SMARCA2: variants seen among roughly 807,000 people sequenced by gnomAD.
SMARCA2 encodes SWI/SNF related BAF chromatin remodeling complex subunit ATPase 2.
In SMARCA2, 61 loss-of-function variants were observed where a neutral mutation model predicts 199.8. That is an observed-to-expected ratio of 0.31 (90% CI 0.25 to 0.38). The LOEUF is 0.38. Among genes scored for constraint, SMARCA2 ranks in the 10% least tolerant of loss-of-function variants. The pLI, the probability that SMARCA2 is intolerant of heterozygous loss-of-function variation, is 1.00. For synonymous variants in SMARCA2, 935 were observed against 732.0 expected (o/e 1.28, Z -4.48); for missense variants, 1,344 against 2,012.2 (o/e 0.67, Z 6.35).
intron 19 of SMARCA2, among the ~76,000 whole-genome samples, chr9:2,090,200 T>A (rs1821991634): frequency 6.6e-6 from 1 of 152,204 alleles, no homozygotes; most frequent in African/African-American, 2.4e-5. Flanking sequence ...CTGAGTATAC[T>A]TGAAGGATGA....
chr9:2,168,745 G>T (rs115611105), intron 28 of SMARCA2, among the ~76,000 whole-genome samples: 2,205 of 152,156 alleles, frequency 0.014, 59 homozygotes, highest in African/African-American at 0.051. Context: ...TTTGTTTTAG[G>T]GTTTTAAAAA....
At chr9:2,124,823 T>A (rs1823616979) in intron 27 of SMARCA2, among the ~76,000 whole-genome samples, 1 of 152,166 alleles carries the variant, frequency 6.6e-6, no homozygotes, top group Non-Finnish European at 1.5e-5. Context: ...ATTCGAAGGG[T>A]TAGCTCTACT....
At chr9:2,128,754 C>T (rs889435019) in intron 27 of SMARCA2, among the ~76,000 whole-genome samples, 4 of 152,358 alleles carry the variant, frequency 2.6e-5, no homozygotes, top group South Asian at 2.1e-4. Flanking sequence ...CATTAGCTTT[C>T]CAATAAATCC....
chr9:2,115,914 G>T lies in SMARCA2; in HGVS notation c.3549G>T (p.Lys1183Asn). 6.2e-7 allele frequency: 1 copy of T among 1,614,126 alleles called. No individual in the cohort carries two copies. The highest frequency in any genetic ancestry group is 8.5e-7 in the Non-Finnish European group (1 of 1,180,026). ...RLCTVNSVEE[K>N]ILAAAKYKLN... Reference sequence around the variant, plus strand: ...GTACCGTGAACAGCGTGGAGGAAAAGATCCTCGCGGCCGCAAAATACAAGC... The same window carrying T: ...GTACCGTGAACAGCGTGGAGGAAAATATCCTCGCGGCCGCAAAATACAAGC... The change falls in exon 25 of 34, where the codon AAG becomes AAT. Residue 1183 changes from lysine (K) to asparagine (N), a missense_variant. By Grantham distance (94) the Lys-to-Asn change is moderately conservative. Around this residue, in one of 18 missense-constraint regions of SMARCA2, gnomAD observed 36 missense variants for 172.5 expected, o/e 0.21. Transcript: ENST00000349721. This position sits in a 1 kb window ranked among gnomAD's most constrained non-coding sequence, Gnocchi z 6.0.
At chr9:2,173,552 C>G (rs535691449) in intron 29 of SMARCA2, among the ~76,000 whole-genome samples, 1 of 152,210 alleles carries the variant, frequency 6.6e-6, no homozygotes, top group South Asian at 2.1e-4. Context: ...TTCATTCATT[C>G]TCTGTTTCTG....
chr9:2,146,248 C>T (rs866889121), intron 27 of SMARCA2, among the ~76,000 whole-genome samples: 1 of 152,124 alleles, frequency 6.6e-6, no homozygotes, highest in Non-Finnish European at 1.5e-5. Context: ...AATAAGGGCA[C>T]TATTCCCAAT....
chr9:2,111,795 G>A (rs1291749668), intron 24 of SMARCA2, among the ~76,000 whole-genome samples: 1 of 152,134 alleles, frequency 6.6e-6, no homozygotes, highest in African/African-American at 2.4e-5. Flanking sequence ...TCCTTTGAGC[G>A]CTCCCAGGAG....
chr9:2,124,774 A>G (rs1428915900), intron 27 of SMARCA2, among the ~76,000 whole-genome samples: 1 of 152,136 alleles, frequency 6.6e-6, no homozygotes, highest in Non-Finnish European at 1.5e-5. Context: ...TGCTCTTAGG[A>G]GTCGCGTGTG....
intron 4 of SMARCA2, chr9:2,042,585 C>A (rs538574979): frequency 1.3e-5 from 2 of 151,660 alleles, no homozygotes; most frequent in Admixed American, 1.3e-4. Flanking sequence ...TACCTGTACA[C>A]AATAAATGCT....
At chr9:2,171,410 G>C (rs1826241464) in intron 29 of SMARCA2, among the ~76,000 whole-genome samples, 1 of 152,142 alleles carries the variant, frequency 6.6e-6, no homozygotes, top group Admixed American at 6.5e-5. Flanking sequence ...ACAGATCACT[G>C]GTTGTGGTAT....
chr9:2,085,283 T>TA (rs1821751973), intron 17 of SMARCA2, among the ~76,000 whole-genome samples: 2 of 152,198 alleles, frequency 1.3e-5, no homozygotes, highest in South Asian at 4.1e-4. Flanking sequence ...GAGATCCTTT[T>TA]AAAAAAATTC....
intron 5 of SMARCA2, among the ~76,000 whole-genome samples, chr9:2,048,218 A>G (rs1028299245): frequency 3.3e-5 from 5 of 152,156 alleles, no homozygotes; most frequent in African/African-American, 1.2e-4. Flanking sequence ...CCCCTGATGT[A>G]AATGGTTAAT....
In SMARCA2 at chr9:2,056,992, C is replaced by G. The variant is rs1586656286; in HGVS notation, c.1347+147C>G. 1.5e-6 allele frequency: 1 copy of G among 678,582 alleles called. No homozygotes were observed. The highest frequency in any genetic ancestry group is 2.8e-5 in the East Asian group (1 of 36,220). 42.0% of individuals were successfully genotyped at this position (678,582 alleles called of 1,614,324 possible). Reference sequence around the variant, plus strand: ...AACGGTTCCTTGACATGTACATAATCCAACCACATCATTTTATAGACAAAG... The same window carrying G: ...AACGGTTCCTTGACATGTACATAATGCAACCACATCATTTTATAGACAAAG... On this transcript the variant is annotated intron_variant, in intron 7 of 33. Coordinates refer to ENST00000349721, the MANE Select transcript of SMARCA2 (RefSeq NM_003070.5). The surrounding 1 kb of genome is among the most constrained non-coding windows in gnomAD (Gnocchi z 4.0).
intron 15 of SMARCA2, among the ~76,000 whole-genome samples, chr9:2,082,917 C>G (rs938080681): frequency 1.3e-5 from 2 of 152,164 alleles, no homozygotes; most frequent in African/African-American, 4.8e-5. Flanking sequence ...AAACGTCATT[C>G]AATATTTCTT....
At chr9:2,055,404 C>T (rs1820306986) in intron 6 of SMARCA2, among the ~76,000 whole-genome samples, 1 of 152,184 alleles carries the variant, frequency 6.6e-6, no homozygotes, top group Non-Finnish European at 1.5e-5. Flanking sequence ...CGAGTTTTGC[C>T]TTGTGGACTG....
intron 29 of SMARCA2, among the ~76,000 whole-genome samples, chr9:2,175,548 T>A (rs999679363): frequency 6.6e-6 from 1 of 152,224 alleles, no homozygotes. Context: ...ACGTGCTGCT[T>A]ATGGTGATAA....
At chr9:2,132,351 A>G (rs1823998579) in intron 27 of SMARCA2, among the ~76,000 whole-genome samples, 1 of 152,238 alleles carries the variant, frequency 6.6e-6, no homozygotes, top group Admixed American at 6.5e-5. Flanking sequence ...AATCACAGAC[A>G]GGGGCTTGAA....
At chr9:2,151,771 A>G (rs1019331624) in intron 27 of SMARCA2, among the ~76,000 whole-genome samples, 3 of 151,814 alleles carry the variant, frequency 2.0e-5, no homozygotes, top group Non-Finnish European at 4.4e-5. Context: ...TATGTAAACC[A>G]CACTGAAAAT....
chr9:2,181,879 C>T (rs1464572059), intron 30 of SMARCA2, among the ~76,000 whole-genome samples: 1 of 152,146 alleles, frequency 6.6e-6, no homozygotes, highest in African/African-American at 2.4e-5. Flanking sequence ...TATTGAAGAG[C>T]TTTCAGGCTC....
Sources: allele counts gnomAD v4.1 joint callset (sites outside exome capture counted in the v4.1 genomes callset), GRCh38; gene constraint gnomAD v4.1.1; regional missense constraint gnomAD v4.1.1; non-coding constraint Gnocchi (gnomAD v3.1); transcripts MANE v1.5; gene names NCBI Gene and HGNC (gene_info 2026-07-23, HGNC 2026-07-21).